Variants in SCAF8 observed in about 807,000 individuals in gnomAD.
The protein encoded by SCAF8 is SR-related CTD associated factor 8.
SCAF8 carries 23 observed loss-of-function variants against 140.5 expected under a neutral mutation model. That is an observed-to-expected ratio of 0.16 (90% CI 0.12 to 0.23). The LOEUF (loss-of-function observed/expected upper bound fraction) is 0.23. Ranked by LOEUF, SCAF8 falls within the 10% of genes least tolerant of loss-of-function variation. The pLI is 1.00. For missense variants in SCAF8, 1,397 were observed against 1,555.7 expected, an observed-to-expected ratio of 0.90 and a Z score of 1.72; for synonymous variants, 575 against 528.9, an observed-to-expected ratio of 1.09 and a Z score of -1.20.
In SCAF8 at chr6:154,832,779, T is replaced by G. The variant is rs748239105; in HGVS notation, c.3200T>G (p.Ile1067Arg). The change falls in exon 20 of 20, where the codon ATA (isoleucine) becomes AGA (arginine). Residue 1067 changes from isoleucine (I) to arginine (R), a missense_variant. Ile to Arg is a moderately conservative substitution (Grantham distance 97). Coordinates refer to ENST00000367178, the MANE Select transcript of SCAF8 (RefSeq NM_014892.5). ...CATTTTGGAAGACCTCCTGTAGATA[T>G]AAGAGAGAATCTTGTGAGGCCAGGT... ...RDHFGRPPVDIRENLVRPGID... is the reference protein window; with the variant it reads ...RDHFGRPPVDRRENLVRPGID... The G allele has an allele frequency of 1.2e-6, 2 of 1,613,656 alleles. No homozygotes were observed. The highest frequency in any genetic ancestry group is 1.7e-5 in the Admixed American group (1 of 59,932).
chr6:154,747,008 T>G (rs546411547), intron 1 of SCAF8, among the ~76,000 whole-genome samples: 1 of 152,298 alleles, frequency 6.6e-6, no homozygotes, highest in East Asian at 1.9e-4. Context: ...ATTCTAAAAT[T>G]CAGGGGCTTA....
chr6:154,811,735 G>A (rs1172230567), intron 12 of SCAF8, among the ~76,000 whole-genome samples: 1 of 139,370 alleles, frequency 7.2e-6, no homozygotes, highest in Non-Finnish European at 1.5e-5. Flanking sequence ...TCCCCGCCCT[G>A]TGTCCAAGTG....
chr6:154,808,343 C>G, intron 10 of SCAF8, 142 bp downstream of exon 10: 3 of 875,042 alleles, frequency 3.4e-6, no homozygotes, highest in Non-Finnish European at 5.2e-6. Context: ...TTAGGCCAAG[C>G]TTGTCCAAGG....
intron 5 of SCAF8, among the ~76,000 whole-genome samples, chr6:154,794,171 C>T (rs1158112631): frequency 6.6e-6 from 1 of 152,078 alleles, no homozygotes; most frequent in Non-Finnish European, 1.5e-5. Context: ...CCCAAGTAGT[C>T]CTCCTGCCTT....
chr6:154,756,901 T>G (rs1175122061), intron 1 of SCAF8, among the ~76,000 whole-genome samples: 1 of 151,990 alleles, frequency 6.6e-6, no homozygotes, highest in Non-Finnish European at 1.5e-5. Flanking sequence ...GTTGGTGCAT[T>G]CCTGTAGTCC....
At chr6:154,776,235 G>A (rs1165411729) in intron 2 of SCAF8, among the ~76,000 whole-genome samples, 3 of 151,608 alleles carry the variant, frequency 2.0e-5, no homozygotes, top group Admixed American at 6.6e-5. Context: ...CATTTTTGAA[G>A]CGTCTAGACC....
At chr6:154,819,201 A>G (rs1778342973) in intron 14 of SCAF8, among the ~76,000 whole-genome samples, 1 of 152,208 alleles carries the variant, frequency 6.6e-6, no homozygotes, top group South Asian at 2.1e-4. Context: ...TACTTTCATT[A>G]AAGTTAATAT....
At chr6:154,746,281 A>G (rs937248295) in intron 1 of SCAF8, among the ~76,000 whole-genome samples, 6 of 152,146 alleles carry the variant, frequency 3.9e-5, no homozygotes, top group Non-Finnish European at 8.8e-5. Context: ...TCCTTTTGAC[A>G]AGTCCTCATT....
intron 1 of SCAF8, 46 bp downstream of exon 1, chr6:154,733,976 C>G (rs773029539): frequency 5.1e-5 from 76 of 1,488,794 alleles, no homozygotes; most frequent in Non-Finnish European, 6.4e-5. Flanking sequence ...GCACCGCCCC[C>G]ACCCCTGGTC....
intron 16 of SCAF8, 38 bp downstream of exon 16, chr6:154,822,447 T>G: frequency 6.4e-7 from 1 of 1,565,764 alleles, no homozygotes; most frequent in Non-Finnish European, 8.6e-7. Context: ...TCTTGTGTTG[T>G]TTTACATTTC....
chr6:154,816,421 G>C (rs1437940411), intron 13 of SCAF8, among the ~76,000 whole-genome samples: 2 of 152,218 alleles, frequency 1.3e-5, no homozygotes, highest in Non-Finnish European at 2.9e-5. Context: ...TTGAGTCTGT[G>C]TTTTATTCTT....
At chr6:154,793,296 TA>T (rs1777478327) in intron 5 of SCAF8, among the ~76,000 whole-genome samples, 1 of 152,108 alleles carries the variant, frequency 6.6e-6, no homozygotes, top group Non-Finnish European at 1.5e-5. Context: ...TTGGTATTTA[TA>T]GGATACTAGG....
At chr6:154,747,896 C>CTCTGTGTG (rs3221130) in intron 1 of SCAF8, among the ~76,000 whole-genome samples, 3 of 144,642 alleles carry the variant, frequency 2.1e-5, no homozygotes, top group Non-Finnish European at 4.6e-5. Flanking sequence ...CATTTCATTT[C>CTCTGTGTG]TGTGTGTGTG....
chr6:154,756,719 T>A (rs1257804516), intron 1 of SCAF8, among the ~76,000 whole-genome samples: 1 of 152,186 alleles, frequency 6.6e-6, no homozygotes, highest in African/African-American at 2.4e-5. Flanking sequence ...AGTGAAACAT[T>A]CTGTTGCATT....
intron 1 of SCAF8, among the ~76,000 whole-genome samples, chr6:154,760,589 TTAG>T (rs1193628758): frequency 1.3e-5 from 2 of 152,180 alleles, no homozygotes; most frequent in African/African-American, 4.8e-5. Flanking sequence ...GTCTATTAGT[TTAG>T]TAGAATATTG....
At chr6:154,779,781 GTATATATATA>G (rs59234248) in intron 3 of SCAF8, among the ~76,000 whole-genome samples, 4,341 of 144,248 alleles carry the variant, frequency 0.03, 85 homozygotes, top group African/African-American at 0.055. Context: ...GTGTGTGTGT[GTATATATATA>G]TATATATATA....
rs1335738740 is a variant in SCAF8, at chr6:154,778,045, A to G, written c.159A>G (p.Lys53=). 6.7e-7 allele frequency: 1 copy of G among 1,487,584 alleles called. No homozygotes were observed. The highest frequency in any genetic ancestry group is 2.3e-5 in the East Asian group (1 of 44,052). 92.1% of individuals were successfully genotyped at this position (1,487,584 alleles called of 1,614,324 possible). ...VVQSVEKFIQ[K]CKPEYKVPGL... is the part of the protein sequence containing the mutation. Reference sequence around the variant, plus strand: ...AGAGTGTTGAGAAGTTTATTCAGAAAGTAAGTATATAATTTTCCATACATG... The same window carrying G: ...AGAGTGTTGAGAAGTTTATTCAGAAGGTAAGTATATAATTTTCCATACATG... Residue 53 remains lysine, a splice_region_variant and synonymous_variant, in exon 3 of 20, where the codon AAA becomes AAG. Coordinates refer to ENST00000367178, the MANE Select transcript of SCAF8 (RefSeq NM_014892.5).
intron 5 of SCAF8, among the ~76,000 whole-genome samples, chr6:154,793,383 G>T (rs1468565674): frequency 6.6e-6 from 1 of 151,128 alleles, no homozygotes; most frequent in Non-Finnish European, 1.5e-5. Context: ...GTTCTCTTGA[G>T]GCATTTAAAT....
In SCAF8 at chr6:154,832,892, C is replaced by T. The variant is rs771452940; in HGVS notation, c.3313C>T (p.Arg1105Trp). ...AGGAGATTTTGATGAGAGAGAGCAT[C>T]GGGTTCTACCGGTCTATGGTGGTCC... ...HRGDFDEREHRVLPVYGGPKG... is the reference protein window; with the variant it reads ...HRGDFDEREHWVLPVYGGPKG... Residue 1105 changes from arginine (R) to tryptophan (W), a missense_variant, in exon 20 of 20, where the codon CGG becomes TGG. This residue lies in a region of SCAF8 where 930 missense variants were observed against 874.6 expected (regional missense o/e 1.06). Transcript: ENST00000367178. 16 of 1,613,984 alleles carry T rather than the reference C, an allele frequency of 9.9e-6. No individual in the cohort carries two copies. The highest frequency in any genetic ancestry group is 3.3e-5 in the South Asian group (3 of 91,066).
Sources: allele counts gnomAD v4.1 joint callset (sites outside exome capture counted in the v4.1 genomes callset), GRCh38; gene constraint gnomAD v4.1.1; regional missense constraint gnomAD v4.1.1; transcripts MANE v1.5; gene names NCBI Gene and HGNC (gene_info 2026-07-23, HGNC 2026-07-21).